BAZ2A: variants seen among roughly 807,000 people sequenced by gnomAD.
BAZ2A encodes the protein bromodomain adjacent to zinc finger domain 2A.
BAZ2A carries 34 observed loss-of-function variants against 199.9 expected under a neutral mutation model. The ratio of observed to expected loss-of-function variants is 0.17; its 90% confidence interval spans 0.13 to 0.23. The LOEUF (loss-of-function observed/expected upper bound fraction) is 0.23, where lower values mean the gene tolerates loss of function less well. BAZ2A is among the 10% of genes least tolerant of loss of function. The pLI is 1.00. For missense variants in BAZ2A, 2,002 were observed against 2,391.1 expected, an observed-to-expected ratio of 0.84 and a Z score of 3.39; for synonymous variants, 857 against 883.9, an observed-to-expected ratio of 0.97 and a Z score of 0.54.
Position 56,602,858 on chromosome 12 carries a change from C to G in BAZ2A, c.3280-1G>C. 6.2e-7 allele frequency: 1 copy of G among 1,608,008 alleles called. No individual in the cohort carries two copies. The highest frequency in any genetic ancestry group is 8.5e-7 in the Non-Finnish European group (1 of 1,176,040). ...GCTTTTTGCGAAAGAAAAGCTGACG[C>G]TGGGTAGACAATGAAAATGAAGATG... is the stretch of plus-strand genomic sequence containing the variant. On this transcript the variant is annotated splice_acceptor_variant, in intron 18 of 28. Transcript: ENST00000549884. LOFTEE classifies it high-confidence loss of function.
In BAZ2A at chr12:56,604,294, G is replaced by A. The variant is rs377229119; in HGVS notation, c.2964-3C>T. On this transcript the variant is annotated splice_region_variant and splice_polypyrimidine_tract_variant and intron_variant, in intron 15 of 28. Coordinates refer to ENST00000549884, the MANE Select transcript of BAZ2A (RefSeq NM_001300905.2). The stretch of plus-strand genomic sequence containing the variant: ...TCTCCAGAGTCTTGTCAATCTCACT[G>A]CAGGGGAATAGGGAATAGGATGAAG... The A allele has an allele frequency of 6.2e-7, 1 of 1,606,106 alleles. No individual in the cohort carries two copies. Among genetic ancestry groups the A allele is most frequent in the African/African-American group, 1.3e-5 (1 of 74,788 alleles).
At chr12:56,623,745 C>T (rs143275938) in intron 1 of BAZ2A, among the ~76,000 whole-genome samples, 2,232 of 152,190 alleles carry the variant, frequency 0.015, 27 homozygotes, top group Middle Eastern at 0.027. Flanking sequence ...CTTCAACAAA[C>T]AGGACAGCGC....
At position 56,601,710 on chromosome 12, in the gene BAZ2A, G is replaced by C; in HGVS notation, c.3907C>G (p.Pro1303Ala). The C allele has an allele frequency of 1.2e-6, 2 of 1,613,944 alleles. No homozygotes were observed. The highest frequency in any genetic ancestry group is 1.1e-5 in the South Asian group (1 of 91,084). The change falls in exon 20 of 29, where the codon CCG (proline) becomes GCG (alanine). Residue 1303 changes from proline (P) to alanine (A), a missense_variant. Physicochemically the swap from Pro to Ala is conservative, Grantham distance 27 (BLOSUM62 -1). This residue lies in a region of BAZ2A where 1,081 missense variants were observed against 1,274.7 expected (regional missense o/e 0.85). Transcript: ENST00000549884. The stretch of plus-strand genomic sequence containing the variant: ...GCCTCATCAGGCTCTGGCTCCTCCG[G>C]GGGTTGTGATGGAGCTGGGTCTAGT... Reference protein sequence around the residue: ...GKLDPAPSQPPEEPEPDEAES... With the variant: ...GKLDPAPSQPAEEPEPDEAES...
Position 56,615,323 on chromosome 12 carries a change from G to T in BAZ2A, c.421C>A (p.Arg141=). 5.6e-6 allele frequency: 9 copies of T among 1,613,902 alleles called. No homozygotes were observed. Among genetic ancestry groups the T allele is most frequent in the Non-Finnish European group, 7.6e-6 (9 of 1,179,860 alleles). The change falls in exon 3 of 29, where the codon CGG becomes AGG. Residue 141 remains arginine, a synonymous_variant. Transcript: ENST00000549884. ...GCCCAGAACTCTTGGCTCCCAGCCC[G>T]AAGGTTAGTGTTATGACTTGGGGAT... ...PSSPSHNTNL[R]AGSQEFWANG...
rs922444902 is a variant in BAZ2A, at chr12:56,598,665, C to T, written c.5665G>A (p.Glu1889Lys). 6 of 1,613,702 alleles carry T rather than the reference C, an allele frequency of 3.7e-6. No individual in the cohort carries two copies. Among genetic ancestry groups the T allele is most frequent in the Admixed American group, 1.7e-5 (1 of 59,982 alleles). ...KAGHIMRRFF[E>K]SRWEEFYQGK... ...TGATAAAACTCCTCCCAGCGGCTCTCGAAGAAGCGGCGCATGATGTGCCCA... is the reference window on the plus strand; with the variant it reads ...TGATAAAACTCCTCCCAGCGGCTCTTGAAGAAGCGGCGCATGATGTGCCCA... The change falls in exon 29 of 29, where the codon GAG (glutamate) becomes AAG (lysine). Residue 1889 changes from glutamate to lysine, a missense_variant. Physicochemically the swap from Glu to Lys is moderately conservative, Grantham distance 56. This residue lies in a region of BAZ2A where 76 missense variants were observed against 139.3 expected (regional missense o/e 0.55). Coordinates refer to ENST00000549884, the MANE Select transcript of BAZ2A (RefSeq NM_001300905.2).
rs932566268 is a variant in BAZ2A at position 56,610,289 on chromosome 12, G to A, written c.1780-74C>T. 3.2e-6 allele frequency: 5 copies of A among 1,584,066 alleles called. No homozygotes were observed. The East Asian group carries it at 6.7e-5, about 21-fold the overall frequency. Reference sequence around the variant, plus strand: ...TCTTTGGCCAGCAAAGGCATAAGCAGAACAGGCCCAGAGCAGACAATGCCA... The same window carrying A: ...TCTTTGGCCAGCAAAGGCATAAGCAAAACAGGCCCAGAGCAGACAATGCCA... On this transcript the variant is annotated intron_variant, in intron 8 of 28. Coordinates refer to ENST00000549884, the MANE Select transcript of BAZ2A (RefSeq NM_001300905.2).
At position 56,617,419 on chromosome 12, in the gene BAZ2A, T is replaced by C. The variant is rs766227111; in HGVS notation, c.112A>G (p.Met38Val). ...CTTTTCCCTTGCTGGGGGAAGTTCA[T>C]GGGAGACCCGTTAGTGTAGAGGCCC... is the stretch of plus-strand genomic sequence containing the variant. ...GEGLYTNGSP[M>V]NFPQQGKSLN... Residue 38 changes from methionine to valine, a missense_variant, in exon 2 of 29, where the codon ATG (methionine) becomes GTG (valine). By Grantham distance (21) the Met-to-Val change is conservative. Coordinates refer to ENST00000549884, the MANE Select transcript of BAZ2A (RefSeq NM_001300905.2). 24 of 1,603,550 alleles carry C rather than the reference T, an allele frequency of 1.5e-5. No homozygotes were observed. In the Admixed American group the frequency reaches 2.1e-4, roughly 14 times the overall value.
rs1950679681 is a variant in BAZ2A, at chr12:56,615,229, T to G, written c.515A>C (p.Gln172Pro). The part of the protein sequence containing the change: ...SQELYDSFPD[Q>P]NFEVMPNGPP... ...TCCATTGGGCATCACCTCAAAATTC[T>G]GGTCAGGAAAGGAATCATACAGTTC... Residue 172 changes from glutamine (Q) to proline (P), a missense_variant, in exon 3 of 29, where the codon CAG (glutamine) becomes CCG (proline). Physicochemically the swap from Gln to Pro is moderately conservative, Grantham distance 76. Around this residue, in one of 6 missense-constraint regions of BAZ2A, gnomAD observed 641 missense variants for 694.5 expected, o/e 0.92. Coordinates refer to ENST00000549884, the MANE Select transcript of BAZ2A (RefSeq NM_001300905.2). The G allele has an allele frequency of 6.2e-7, 1 of 1,613,834 alleles. No individual in the cohort carries two copies. Among genetic ancestry groups the G allele is most frequent in the Non-Finnish European group, 8.5e-7 (1 of 1,179,886 alleles).
chr12:56,606,016 T>A lies in BAZ2A; in HGVS notation c.2307A>T (p.Lys769Asn), dbSNP rs774256803. The A allele has an allele frequency of 6.4e-7, 1 of 1,552,050 alleles. No individual in the cohort carries two copies. The highest frequency in any genetic ancestry group is 2.4e-5 in the East Asian group (1 of 40,922). The change falls in exon 13 of 29, where the codon AAA (lysine) becomes AAT (asparagine). Residue 769 changes from lysine to asparagine, a missense_variant. Lys to Asn is a moderately conservative substitution (Grantham distance 94). This residue lies in a region of BAZ2A where 1,081 missense variants were observed against 1,274.7 expected (regional missense o/e 0.85). Transcript: ENST00000549884. The stretch of plus-strand genomic sequence containing the variant: ...CCTTCTCCTTCTTTTCCCTCTTGAC[T>A]TTTTCCTTCAGTTTTTCCTGCTTTG... Reference protein sequence around the residue: ...GKTKQEKLKEKVKREKKEKVK... With the variant: ...GKTKQEKLKENVKREKKEKVK...
intron 10 of BAZ2A, among the ~76,000 whole-genome samples, chr12:56,608,110 C>T (rs1321851170): frequency 6.7e-6 from 1 of 149,184 alleles, no homozygotes; most frequent in Non-Finnish European, 1.5e-5. Context: ...GTGGGGGCTA[C>T]ACCTGTAATC....
chr12:56,608,244 C>T (rs1457336652), intron 10 of BAZ2A, among the ~76,000 whole-genome samples: 2 of 151,280 alleles, frequency 1.3e-5, no homozygotes, highest in African/African-American at 4.9e-5. Context: ...TGGTGGCGTG[C>T]ACCTGTAGTC....
chr12:56,611,230 C>G (rs1950548081), intron 7 of BAZ2A: 6 of 374,488 alleles, frequency 1.6e-5, no homozygotes, highest in Middle Eastern at 7.8e-4. Flanking sequence ...TACTAAGTCA[C>G]TCCTCATTCA....
At chr12:56,636,059 A>C (rs1416585808) in intron 1 of BAZ2A, 3 of 1,210,164 alleles carry the variant, frequency 2.5e-6, no homozygotes, top group Non-Finnish European at 2.3e-6. Context: ...CCCGTCCCCC[A>C]GAGTCCTGTT....
Position 56,600,045 on chromosome 12 carries a change from C to T in BAZ2A, c.4944G>A (p.Arg1648=). ...RIRVWRQTLE[R]CRSAAQVCLC... Reference sequence around the variant, plus strand: ...AGCACACCTGGGCTGCGCTCCGGCACCGCTCGAGGGTCTGGCGCCAGACAC... The same window carrying T: ...AGCACACCTGGGCTGCGCTCCGGCATCGCTCGAGGGTCTGGCGCCAGACAC... Residue 1648 remains arginine (R), a synonymous_variant, in exon 25 of 29, where the codon CGG becomes CGA. Coordinates refer to ENST00000549884, the MANE Select transcript of BAZ2A (RefSeq NM_001300905.2). 4 of 1,614,036 alleles carry T rather than the reference C, an allele frequency of 2.5e-6. No homozygotes were observed. Among genetic ancestry groups the T allele is most frequent in the South Asian group, 1.1e-5 (1 of 91,082 alleles).
intron 1 of BAZ2A, among the ~76,000 whole-genome samples, chr12:56,628,192 A>T (rs1241555592): frequency 6.6e-6 from 1 of 150,622 alleles, no homozygotes. Context: ...AAAAAAAAAA[A>T]AAAAAAAGAC....
intron 1 of BAZ2A, among the ~76,000 whole-genome samples, chr12:56,620,439 T>C (rs1950881491): frequency 6.6e-6 from 1 of 152,058 alleles, no homozygotes; most frequent in South Asian, 2.1e-4. Flanking sequence ...AAGCAGAGAT[T>C]GCAGTGAGCC....
rs759726101 is a variant in BAZ2A, at chr12:56,598,941, C to A, written c.5473G>T (p.Val1825Leu). The A allele has an allele frequency of 6.2e-7, 1 of 1,608,820 alleles. No individual in the cohort carries two copies. The highest frequency in any genetic ancestry group is 8.5e-7 in the Non-Finnish European group (1 of 1,177,678). The change falls in exon 28 of 29, where the codon GTG becomes TTG. Residue 1825 changes from valine to leucine, a missense_variant. Val to Leu is a conservative substitution (Grantham distance 32). Coordinates refer to ENST00000549884, the MANE Select transcript of BAZ2A (RefSeq NM_001300905.2). ...TTGATGATGCGCCGGTACCCACTCA[C>A]CAAACGTGGGTTCACAGGCTCTAGG... ...PFLEPVNPRL[V>L]SGYRRIIKNP... is the part of the protein sequence containing the mutation.
chr12:56,620,594 T>C (rs1054098717), intron 1 of BAZ2A, among the ~76,000 whole-genome samples: 2 of 147,652 alleles, frequency 1.4e-5, no homozygotes, highest in African/African-American at 5.4e-5. Flanking sequence ...AGTTTCCCTC[T>C]TGTTGCCCAT....
intron 1 of BAZ2A, among the ~76,000 whole-genome samples, chr12:56,622,936 G>A (rs1950964413): frequency 6.6e-6 from 1 of 152,138 alleles, no homozygotes; most frequent in Non-Finnish European, 1.5e-5. Flanking sequence ...CTGTGACATG[G>A]TTTAATAGAA....
Sources: allele counts gnomAD v4.1 joint callset (sites outside exome capture counted in the v4.1 genomes callset), GRCh38; gene constraint gnomAD v4.1.1; regional missense constraint gnomAD v4.1.1; transcripts MANE v1.5; gene names NCBI Gene and HGNC (gene_info 2026-07-23, HGNC 2026-07-21).